MACROD2: variants seen among roughly 807,000 people sequenced by gnomAD.
The protein encoded by MACROD2 is ADP-ribose glycohydrolase MACROD2.
In MACROD2, 36 loss-of-function variants were observed where a neutral mutation model predicts 70.4. The ratio of observed to expected loss-of-function variants is 0.51; its 90% CI spans 0.39 to 0.68. The LOEUF (loss-of-function observed/expected upper bound fraction) is 0.68, where lower values mean the gene tolerates loss of function less well. MACROD2 is among the 30% of genes least tolerant of loss of function. The probability of loss-of-function intolerance (pLI) is 0.00; values close to 1 mark genes in which losing one functional copy is unlikely to be tolerated. For synonymous variants in MACROD2, 172 were observed against 178.8 expected, an observed-to-expected ratio of 0.96 and a Z score of 0.30; for missense variants, 496 against 538.4, an observed-to-expected ratio of 0.92 and a Z score of 0.78.
At chr20:14,313,549 G>A (rs966983370) in intron 3 of MACROD2, among the ~76,000 whole-genome samples, 1 of 151,712 alleles carries the variant, frequency 6.6e-6, no homozygotes, top group African/African-American at 2.4e-5. Flanking sequence ...GCAGAAAAAT[G>A]TGTGAAATTT....
At chr20:15,501,018 A>G (rs1600501046) in intron 8 of MACROD2, among the ~76,000 whole-genome samples, 1 of 152,294 alleles carries the variant, frequency 6.6e-6, no homozygotes, top group South Asian at 2.1e-4. Context: ...TAGGGTAGGT[A>G]TATGTTATCT....
At chr20:14,654,017 A>G (rs945530811) in intron 4 of MACROD2, among the ~76,000 whole-genome samples, 3 of 152,052 alleles carry the variant, frequency 2.0e-5, no homozygotes, top group African/African-American at 7.2e-5. Flanking sequence ...TTTCAAATAA[A>G]TTACTTGTAC....
At chr20:14,907,583 A>C (rs978105226) in intron 5 of MACROD2, among the ~76,000 whole-genome samples, 6 of 152,202 alleles carry the variant, frequency 3.9e-5, no homozygotes, top group Non-Finnish European at 7.4e-5. Flanking sequence ...GGCTTTGAAA[A>C]GTAAATTAGA....
At chr20:14,830,931 A>T (rs2072957927) in intron 5 of MACROD2, among the ~76,000 whole-genome samples, 2 of 152,182 alleles carry the variant, frequency 1.3e-5, no homozygotes, top group South Asian at 4.1e-4. Flanking sequence ...TATTTAAAAA[A>T]ATAATCTTAA....
intron 2 of MACROD2, among the ~76,000 whole-genome samples, chr20:14,021,210 C>T (rs1398822909): frequency 2.6e-5 from 4 of 152,142 alleles, no homozygotes; most frequent in East Asian, 3.9e-4. Flanking sequence ...AGGATGCTCT[C>T]GATCTCTTGA....
At chr20:15,989,899 G>A (rs2066535531) in intron 15 of MACROD2, among the ~76,000 whole-genome samples, 1 of 151,120 alleles carries the variant, frequency 6.6e-6, no homozygotes, top group Non-Finnish European at 1.5e-5. Flanking sequence ...CATTTTATAA[G>A]ATTAGAAAAT....
intron 6 of MACROD2, among the ~76,000 whole-genome samples, chr20:15,398,601 A>T (rs1262183155): frequency 6.6e-6 from 1 of 152,208 alleles, no homozygotes; most frequent in Non-Finnish European, 1.5e-5. Flanking sequence ...TGTAAACAAC[A>T]GTTTTCTCAC....
At chr20:14,845,141 T>G (rs444827) in intron 5 of MACROD2, among the ~76,000 whole-genome samples, 86,923 of 151,836 alleles carry the variant, frequency 0.57, 26,208 homozygotes, top group Non-Finnish European at 0.67. Context: ...TTTCATAATC[T>G]TGTCACATCC....
intron 3 of MACROD2, among the ~76,000 whole-genome samples, chr20:14,462,022 C>T (rs1161938253): frequency 6.6e-6 from 1 of 151,646 alleles, no homozygotes; most frequent in Non-Finnish European, 1.5e-5. Context: ...GGGTATATAC[C>T]CAGTAATGAG....
chr20:15,388,992 G>T (rs1438296467), intron 6 of MACROD2, among the ~76,000 whole-genome samples: 1 of 144,446 alleles, frequency 6.9e-6, no homozygotes, highest in Non-Finnish European at 1.5e-5. Flanking sequence ...CAGGGTCAAA[G>T]AATTTAGGAG....
chr20:14,904,655 C>A (rs975225074), intron 5 of MACROD2, among the ~76,000 whole-genome samples: 5 of 151,970 alleles, frequency 3.3e-5, no homozygotes, highest in African/African-American at 1.2e-4. Flanking sequence ...TATTTAATAC[C>A]GCATAACCCT....
chr20:14,003,938 T>C (rs1357740017), intron 2 of MACROD2, among the ~76,000 whole-genome samples: 1 of 152,212 alleles, frequency 6.6e-6, no homozygotes, highest in Non-Finnish European at 1.5e-5. Flanking sequence ...TAATTTCTTT[T>C]TTTGTTTATA....
intron 8 of MACROD2, 102 bp downstream of exon 8, chr20:15,499,949 A>G: frequency 9.2e-7 from 1 of 1,089,728 alleles, no homozygotes; most frequent in South Asian, 1.4e-5. Flanking sequence ...AACTACACCT[A>G]GTCATTGAGC....
intron 3 of MACROD2, among the ~76,000 whole-genome samples, chr20:14,269,585 CTTTTG>C (rs903358388): frequency 6.6e-6 from 1 of 151,970 alleles, no homozygotes; most frequent in Non-Finnish European, 1.5e-5. Context: ...AATTTTCTGT[CTTTTG>C]TTATATTTGA....
chr20:14,325,508 C>A, intron 3 of MACROD2: 1 of 1,552,924 alleles, frequency 6.4e-7, no homozygotes, highest in South Asian at 1.3e-5. Context: ...CATCACCTCC[C>A]TTAGGTTTAA....
intron 3 of MACROD2, among the ~76,000 whole-genome samples, chr20:14,089,189 A>G (rs142181589): frequency 9.4e-4 from 143 of 152,316 alleles, no homozygotes; most frequent in African/African-American, 3.3e-3. Context: ...TGCATCTCAC[A>G]AGGATAGTCT....
intron 3 of MACROD2, among the ~76,000 whole-genome samples, chr20:14,474,880 T>C: frequency 6.6e-6 from 1 of 152,174 alleles, no homozygotes; most frequent in East Asian, 1.9e-4. Context: ...AGTGAGTTTC[T>C]TGTAGGCAGC....
intron 3 of MACROD2, among the ~76,000 whole-genome samples, chr20:14,196,639 ATAT>A (rs1463402850): frequency 6.6e-6 from 1 of 152,210 alleles, no homozygotes; most frequent in Non-Finnish European, 1.5e-5. Context: ...ATCTTGGTGT[ATAT>A]TTCAGCATGA....
At chr20:14,279,440 G>T (rs2082286358) in intron 3 of MACROD2, among the ~76,000 whole-genome samples, 1 of 146,430 alleles carries the variant, frequency 6.8e-6, no homozygotes, top group South Asian at 2.3e-4. Flanking sequence ...GTTACCTTAA[G>T]TTGATTTTTT....
Sources: gnomAD v4.1 joint callset for allele counts (sites outside exome capture counted in the v4.1 genomes callset) on GRCh38, gnomAD v4.1.1 for gene constraint, MANE v1.5 for transcripts, NCBI Gene and HGNC (gene_info 2026-07-23, HGNC 2026-07-21) for gene names.